SV2C: variants seen among roughly 807,000 people sequenced by gnomAD.
SV2C encodes the protein synaptic vesicle glycoprotein 2C, also known as solute carrier family 22 member B3.
A neutral mutation model predicts 79.7 loss-of-function variants in SV2C; 49 were observed. The observed-to-expected ratio is 0.61, with a 90% CI of 0.49 to 0.78. The LOEUF is 0.78. Among genes scored for constraint, SV2C ranks in the 30% least tolerant of loss-of-function variants. The pLI is 0.00. For synonymous variants in SV2C, 334 were observed against 333.2 expected (o/e 1.00, Z -0.03); for missense variants, 833 against 912.9 (o/e 0.91, Z 1.13).
chr5:76,259,338 C>G (rs1461979069), intron 4 of SV2C, among the ~76,000 whole-genome samples: 1 of 152,202 alleles, frequency 6.6e-6, no homozygotes, highest in Non-Finnish European at 1.5e-5. Context: ...CGTGTCCTCA[C>G]CAACCTTAGG....
At chr5:75,885,802 C>G in the SV2C span, among the ~76,000 whole-genome samples, 2 of 152,078 alleles carry the variant, frequency 1.3e-5, no homozygotes, top group Non-Finnish European at 2.9e-5. Context: ...ACATCTCAGA[C>G]TCTTCCCAGT....
At chr5:76,312,596 G>C (rs1748487304) in intron 12 of SV2C, among the ~76,000 whole-genome samples, 1 of 152,174 alleles carries the variant, frequency 6.6e-6, no homozygotes, top group Non-Finnish European at 1.5e-5. Context: ...CTCGGGGCCA[G>C]GAGCGCACAC....
intron 10 of SV2C, among the ~76,000 whole-genome samples, chr5:76,299,294 G>A (rs1050506882): frequency 6.6e-6 from 1 of 152,150 alleles, no homozygotes; most frequent in African/African-American, 2.4e-5. Context: ...ACAACATGTG[G>A]CTATGCTCAG....
intron 3 of SV2C, among the ~76,000 whole-genome samples, chr5:76,203,187 T>C (rs1744505150): frequency 6.6e-6 from 1 of 152,198 alleles, no homozygotes; most frequent in Admixed American, 6.5e-5. Context: ...AAATTAGCCA[T>C]ATGCACTCTT....
the SV2C span, among the ~76,000 whole-genome samples, chr5:75,916,704 A>T: frequency 6.6e-6 from 1 of 152,068 alleles, no homozygotes; most frequent in African/African-American, 2.4e-5. Flanking sequence ...TGAACTCCTG[A>T]TCTCAGGCCA....
the SV2C span, among the ~76,000 whole-genome samples, chr5:76,040,580 G>T: frequency 6.6e-6 from 1 of 152,204 alleles, no homozygotes; most frequent in South Asian, 2.1e-4. Flanking sequence ...TAAGGGAGTT[G>T]TCACAGAGGA....
intron 8 of SV2C, 54 bp downstream of exon 8, chr5:76,291,910 A>T: frequency 3.1e-6 from 4 of 1,284,272 alleles, no homozygotes; most frequent in Non-Finnish European, 1.1e-6. Context: ...CCACATTGTA[A>T]CTCCTAGCCA....
At chr5:76,125,777 G>T (rs949513174) in intron 1 of SV2C, among the ~76,000 whole-genome samples, 2 of 152,168 alleles carry the variant, frequency 1.3e-5, no homozygotes, top group Non-Finnish European at 1.5e-5. Context: ...TAACATTAAG[G>T]CCAGGTGCAG....
At chr5:76,168,728 A>G (rs973941578) in intron 2 of SV2C, among the ~76,000 whole-genome samples, 1 of 152,204 alleles carries the variant, frequency 6.6e-6, no homozygotes, top group Non-Finnish European at 1.5e-5. Context: ...ATTTTCTCGT[A>G]AAATATAAAA....
At chr5:75,983,890 G>A in the SV2C span, among the ~76,000 whole-genome samples, 3 of 152,086 alleles carry the variant, frequency 2.0e-5, no homozygotes, top group Non-Finnish European at 2.9e-5. Context: ...GCAATGGTTT[G>A]CATTCTAATC....
chr5:75,876,421 G>T, the SV2C span, among the ~76,000 whole-genome samples: 3 of 152,166 alleles, frequency 2.0e-5, no homozygotes, highest in South Asian at 2.1e-4. Context: ...TCTCCTTGAG[G>T]GGGTAGGGTG....
At chr5:76,167,208 A>G (rs986719385) in intron 2 of SV2C, among the ~76,000 whole-genome samples, 1 of 152,368 alleles carries the variant, frequency 6.6e-6, no homozygotes, top group East Asian at 1.9e-4. Context: ...ACCTTCAGAC[A>G]CTGGGAAATT....
chr5:76,118,020 G>A (rs979181829), intron 1 of SV2C, among the ~76,000 whole-genome samples: 3 of 152,130 alleles, frequency 2.0e-5, no homozygotes, highest in Non-Finnish European at 4.4e-5. Flanking sequence ...ACAAGAAAAG[G>A]ATCTTGTATT....
chr5:76,009,991 G>GTTTTTTTTTTT, the SV2C span, among the ~76,000 whole-genome samples: 7 of 112,642 alleles, frequency 6.2e-5, no homozygotes, highest in Non-Finnish European at 1.0e-4. Flanking sequence ...TATCTATTTT[G>GTTTTTTTTTTT]TTTTTTTTTT....
intron 4 of SV2C, among the ~76,000 whole-genome samples, chr5:76,220,808 G>A (rs1018901502): frequency 1.3e-5 from 2 of 152,010 alleles, no homozygotes; most frequent in South Asian, 4.2e-4. Flanking sequence ...TCCTCCATTC[G>A]TAGCATGTTC....
intron 4 of SV2C, among the ~76,000 whole-genome samples, chr5:76,265,719 C>G (rs951855822): frequency 6.6e-6 from 1 of 151,952 alleles, no homozygotes; most frequent in African/African-American, 2.4e-5. Context: ...GAAAGGGAGG[C>G]CCCCCTCCAC....
chr5:75,913,589 A>G, the SV2C span, among the ~76,000 whole-genome samples: 1 of 152,338 alleles, frequency 6.6e-6, no homozygotes, highest in South Asian at 2.1e-4. Flanking sequence ...TATTGTGTGT[A>G]AGATGACAAG....
chr5:75,947,436 C>T, the SV2C span, among the ~76,000 whole-genome samples: 2 of 150,018 alleles, frequency 1.3e-5, no homozygotes, highest in South Asian at 4.2e-4. Flanking sequence ...AAATTCCATC[C>T]CTTTCTATAC....
At chr5:76,190,375 AC>A (rs1744061408) in intron 2 of SV2C, among the ~76,000 whole-genome samples, 1 of 152,166 alleles carries the variant, frequency 6.6e-6, no homozygotes, top group Non-Finnish European at 1.5e-5. Context: ...CCGCCATATC[AC>A]CCTGAATGCA....
Sources: allele counts gnomAD v4.1 joint callset (sites outside exome capture counted in the v4.1 genomes callset), GRCh38; gene constraint gnomAD v4.1.1; transcripts MANE v1.5; gene names NCBI Gene and HGNC (gene_info 2026-07-23, HGNC 2026-07-21).